INSYN2A: variants seen among roughly 807,000 people sequenced by gnomAD.
The protein encoded by INSYN2A is inhibitory synaptic factor 2A.
In INSYN2A, 17 loss-of-function variants were observed where a neutral mutation model predicts 39.4. The ratio of observed to expected loss-of-function variants is 0.43; its 90% CI spans 0.30 to 0.65. The LOEUF (loss-of-function observed/expected upper bound fraction) is 0.65, where lower values mean the gene tolerates loss of function less well. Among genes scored for constraint, INSYN2A ranks in the 30% least tolerant of loss-of-function variants. INSYN2A has a pLI of 0.14. For missense variants in INSYN2A, 595 were observed against 631.2 expected (o/e 0.94, Z 0.61); for synonymous variants, 255 against 265.7 (o/e 0.96, Z 0.39).
intron 2 of INSYN2A, among the ~76,000 whole-genome samples, chr10:127,177,774 G>A (rs560803675): frequency 1.3e-5 from 2 of 152,368 alleles, no homozygotes; most frequent in South Asian, 4.1e-4. Context: ...ACTGCTTCTG[G>A]AGTGAGGTGG....
At chr10:127,188,212 C>T (rs545714544) in intron 2 of INSYN2A, among the ~76,000 whole-genome samples, 1 of 152,294 alleles carries the variant, frequency 6.6e-6, no homozygotes, top group East Asian at 1.9e-4. Context: ...CTGTGCTGTG[C>T]ACAAACAGAT....
chr10:127,170,086 C>G (rs1040552570), intron 4 of INSYN2A, among the ~76,000 whole-genome samples: 1 of 151,886 alleles, frequency 6.6e-6, no homozygotes, highest in African/African-American at 2.4e-5. Flanking sequence ...TGAGGATGAA[C>G]AGAACCCCTG....
chr10:127,184,543 C>T (rs2056050674), intron 2 of INSYN2A, among the ~76,000 whole-genome samples: 1 of 148,960 alleles, frequency 6.7e-6, no homozygotes, highest in African/African-American at 2.5e-5. Context: ...CACGTCGCTT[C>T]TCTGTGCATA....
At chr10:127,159,995 C>G (rs1206095289) in intron 4 of INSYN2A, among the ~76,000 whole-genome samples, 1 of 152,160 alleles carries the variant, frequency 6.6e-6, no homozygotes, top group African/African-American at 2.4e-5. Flanking sequence ...AGAGAAAGAT[C>G]ACTGCAAGCT....
intron 5 of INSYN2A, among the ~76,000 whole-genome samples, chr10:127,149,387 C>T (rs553192893): frequency 1.2e-4 from 19 of 152,256 alleles, no homozygotes; most frequent in South Asian, 2.1e-4. Flanking sequence ...GCATCAAGAC[C>T]GTTTGTCCTT....
chr10:127,175,741 C>G lies in INSYN2A; in HGVS notation c.655G>C (p.Glu219Gln), dbSNP rs756966142. The G allele has an allele frequency of 1.2e-6, 2 of 1,614,108 alleles. No homozygotes were observed. ...CTCCCGAGCAGCTGGTAATCGGGCT[C>G]TTCGGATGGAGGCCGAGTGGAGTTT... ...LQNSTRPPSE[E>Q]PDYQLLGRAK... Residue 219 changes from glutamate to glutamine, a missense_variant, in exon 4 of 6, where the codon GAG becomes CAG. Physicochemically the swap from Glu to Gln is conservative, Grantham distance 29. Around this residue, in one of 2 missense-constraint regions of INSYN2A, gnomAD observed 478 missense variants for 467.4 expected, o/e 1.02. Coordinates refer to ENST00000522781, the MANE Select transcript of INSYN2A (RefSeq NM_001039762.3). This position sits in a 1 kb window ranked among gnomAD's most constrained non-coding sequence, Gnocchi z 6.3.
At chr10:127,174,733 T>C (rs2054919090) in intron 4 of INSYN2A, among the ~76,000 whole-genome samples, 1 of 152,208 alleles carries the variant, frequency 6.6e-6, no homozygotes, top group African/African-American at 2.4e-5. Context: ...ATACCAATAT[T>C]ATTTCAATTA....
intron 4 of INSYN2A, among the ~76,000 whole-genome samples, chr10:127,167,991 T>C (rs1021298036): frequency 2.0e-5 from 3 of 152,194 alleles, no homozygotes; most frequent in African/African-American, 7.2e-5. Flanking sequence ...GCCTGAGGAC[T>C]GAGACCCTCT....
chr10:127,158,445 A>G (rs1468872058), intron 4 of INSYN2A, among the ~76,000 whole-genome samples: 2 of 152,206 alleles, frequency 1.3e-5, no homozygotes, highest in African/African-American at 4.8e-5. Context: ...TGTCTTGCAG[A>G]TTAATTGCTA....
rs972837863 is a variant in INSYN2A at position 127,135,701 on chromosome 10, G to T, written c.*2136C>A. 6.6e-6 allele frequency: 1 copy of T among 152,580 alleles called. No homozygotes were observed. The highest frequency in any genetic ancestry group is 1.5e-5 in the Non-Finnish European group (1 of 68,028). 9.5% of individuals were successfully genotyped at this position (152,580 alleles called of 1,614,324 possible). ...TTAGGGATGAATTAATTTATCTTCA[G>T]AAGTTCCTTTTTGACTCTGAACATT... On this transcript the variant is annotated 3_prime_UTR_variant, in exon 6 of 6. Transcript: ENST00000522781.
intron 4 of INSYN2A, among the ~76,000 whole-genome samples, chr10:127,171,630 T>C (rs1262284377): frequency 3.3e-5 from 5 of 152,164 alleles, no homozygotes; most frequent in African/African-American, 9.7e-5. Flanking sequence ...GAACTGACTT[T>C]CCCCAGCTTC....
At chr10:127,154,062 T>TAA (rs2052781900) in intron 4 of INSYN2A, 139 bp from the exon 5 acceptor site, 1 of 643,522 alleles carries the variant, frequency 1.6e-6, no homozygotes, top group Non-Finnish European at 2.8e-6. Flanking sequence ...TGCTTCCCAG[T>TAA]TTGCTCCTGT....
chr10:127,175,643 C>T lies in INSYN2A; in HGVS notation c.753G>A (p.Thr251=), dbSNP rs539100904. The T allele has an allele frequency of 3.2e-5, 51 of 1,613,374 alleles. No homozygotes were observed. The highest frequency in any genetic ancestry group is 6.7e-5 in the East Asian group (3 of 44,846). ...CAGGTGCGTAAACGGTGGCAACCTC[C>T]GTTTTAAACACCCTCCTGAGGGCAG... ...APPALRRVFK[T]EVATVYAPAL... Residue 251 remains threonine (T), a synonymous_variant, in exon 4 of 6, where the codon ACG becomes ACA. Coordinates refer to ENST00000522781, the MANE Select transcript of INSYN2A (RefSeq NM_001039762.3). This position sits in a 1 kb window ranked among gnomAD's most constrained non-coding sequence, Gnocchi z 6.3.
intron 2 of INSYN2A, among the ~76,000 whole-genome samples, chr10:127,186,763 T>G (rs528522072): frequency 1.8e-4 from 28 of 151,970 alleles, no homozygotes; most frequent in African/African-American, 6.8e-4. Context: ...TCCATTGAGA[T>G]GAACGTGGAG....
chr10:127,182,376 C>T (rs1218426923), intron 2 of INSYN2A, among the ~76,000 whole-genome samples: 6 of 152,126 alleles, frequency 3.9e-5, no homozygotes, highest in Admixed American at 2.6e-4. Context: ...TGGCCTACTT[C>T]GGGGAGTGAG....
At position 127,136,009 on chromosome 10, in the gene INSYN2A, A is replaced by G. The variant is rs1351551476; in HGVS notation, c.*1828T>C. On this transcript the variant is annotated 3_prime_UTR_variant, in exon 6 of 6. Coordinates refer to ENST00000522781, the MANE Select transcript of INSYN2A (RefSeq NM_001039762.3). ...ACACTTCCTTCATGTTACAGGATCA[A>G]CTTCCTCATTGTTCTTGCACCAAAA... 6.6e-6 allele frequency: 1 copy of G among 152,648 alleles called. No individual in the cohort carries two copies. Among genetic ancestry groups the G allele is most frequent in the Non-Finnish European group, 1.5e-5 (1 of 68,044 alleles). The allele number at this position is 152,648 out of a possible 1,614,324, so 9.5% of individuals were successfully genotyped here.
intron 4 of INSYN2A, 46 bp from the exon 5 acceptor site, chr10:127,153,969 C>A: frequency 1.4e-6 from 2 of 1,432,976 alleles, no homozygotes; most frequent in South Asian, 2.3e-5. Flanking sequence ...GGCTGGGGGT[C>A]ACTGGCTTTA....
In INSYN2A at chr10:127,137,626, C is replaced by A. The variant is rs912525370; in HGVS notation, c.*211G>T. On this transcript the variant is annotated 3_prime_UTR_variant, in exon 6 of 6. Coordinates refer to ENST00000522781, the MANE Select transcript of INSYN2A (RefSeq NM_001039762.3). The stretch of plus-strand genomic sequence containing the variant: ...AGATTTTACATCCCACATCAGTGAA[C>A]TGCAAAGAACAGCTGGCAAGGAGTG... 1.3e-5 allele frequency: 6 copies of A among 471,858 alleles called. No homozygotes were observed. The highest frequency in any genetic ancestry group is 2.2e-5 in the Non-Finnish European group (6 of 269,496). The allele number at this position is 471,858 out of a possible 1,614,324, so 29.2% of individuals were successfully genotyped here.
chr10:127,156,247 T>C (rs2053033414), intron 4 of INSYN2A, among the ~76,000 whole-genome samples: 1 of 152,198 alleles, frequency 6.6e-6, no homozygotes. Context: ...CTAATTATGC[T>C]AGCCCCACTT....
Sources: allele counts gnomAD v4.1 joint callset (sites outside exome capture counted in the v4.1 genomes callset), GRCh38; gene constraint gnomAD v4.1.1; regional missense constraint gnomAD v4.1.1; non-coding constraint Gnocchi (gnomAD v3.1); transcripts MANE v1.5; gene names NCBI Gene and HGNC (gene_info 2026-07-23, HGNC 2026-07-21).